The following A2ML1 variants were observed in gnomAD, a reference collection of about 807,000 sequenced individuals.
A2ML1 encodes the protein alpha-2-macroglobulin like 1, also known as alpha-2-macroglobulin-like protein 1.
A2ML1 carries 161 observed loss-of-function variants against 181.9 expected under a neutral mutation model. The observed-to-expected ratio is 0.89, with a 90% CI of 0.78 to 1.01. The LOEUF is 1.01. Ranked by LOEUF, A2ML1 falls within the 50% of genes least tolerant of loss-of-function variation. The probability of loss-of-function intolerance (pLI) is 0.00; values close to 1 mark genes in which losing one functional copy is unlikely to be tolerated. For missense variants in A2ML1, 1,670 were observed against 1,768.1 expected, an observed-to-expected ratio of 0.94 and a Z score of 1.00; for synonymous variants, 663 against 666.8, an observed-to-expected ratio of 0.99 and a Z score of 0.09.
intron 12 of A2ML1, among the ~76,000 whole-genome samples, chr12:8,843,586 C>G (rs753338470): frequency 6.6e-6 from 1 of 152,176 alleles, no homozygotes; most frequent in African/African-American, 2.4e-5. Flanking sequence ...ACACGAAAGC[C>G]ATATAAAAAG....
In A2ML1 at chr12:8,841,536, G is replaced by C; in HGVS notation, c.1248G>C (p.Glu416Asp). Residue 416 changes from glutamate (E) to aspartate (D), a missense_variant and splice_region_variant, in exon 11 of 36, where the codon GAG becomes GAC. Coordinates refer to ENST00000299698, the MANE Select transcript of A2ML1 (RefSeq NM_144670.6). ...GGAATGGGACAGACGTTTCTCTGGA[G>C]GTAAGCATGGACGGAGGACCAGCTT... Reference protein sequence around the residue: ...SGWNGTDVSLEGKFQMEDLVY... With the variant: ...SGWNGTDVSLDGKFQMEDLVY... The C allele has an allele frequency of 1.2e-6, 2 of 1,610,872 alleles. No homozygotes were observed. The highest frequency in any genetic ancestry group is 1.7e-6 in the Non-Finnish European group (2 of 1,178,750).
rs777773226 is a variant in A2ML1 at position 8,855,548 on chromosome 12, T to C, written c.2804T>C (p.Val935Ala). The change falls in exon 23 of 36, where the codon GTG becomes GCG. Residue 935 changes from valine (V) to alanine (A), a missense_variant. Val to Ala is a moderately conservative substitution (Grantham distance 64). Transcript: ENST00000299698. The stretch of plus-strand genomic sequence containing the variant: ...GAATCTGTCTCCCTGGAGCTCCCAG[T>C]GGACATTGTTCCTGACTCGACCAAG... ...ASESVSLELP[V>A]DIVPDSTKAY... The C allele has an allele frequency of 1.9e-6, 3 of 1,614,142 alleles. No homozygotes were observed. In the East Asian group the frequency reaches 6.7e-5, roughly 36 times the overall value.
intron 11 of A2ML1, 51 bp downstream of exon 11, chr12:8,841,587 G>A: frequency 6.4e-7 from 1 of 1,562,778 alleles, no homozygotes; most frequent in Non-Finnish European, 8.7e-7. Context: ...TTCCCTGAAG[G>A]AAAACTTCAG....
Position 8,835,680 on chromosome 12 carries a change from T to C in A2ML1, c.643+14T>C, listed in dbSNP as rs951286529. On this transcript the variant is annotated intron_variant, in intron 6 of 35. Transcript: ENST00000299698. ...TGGAGGAATATGGTAGGTGGGGAAA[T>C]GGACAGGCCAAAGTATTGGGCATAA... 6 of 1,613,712 alleles carry C rather than the reference T, an allele frequency of 3.7e-6. No homozygotes were observed. In the African/African-American group the frequency reaches 4.0e-5, roughly 11 times the overall value.
intron 26 of A2ML1, among the ~76,000 whole-genome samples, chr12:8,859,853 A>ATGCG (rs979121610): frequency 6.6e-6 from 1 of 151,952 alleles, no homozygotes; most frequent in African/African-American, 2.4e-5. Context: ...AGCGTGACCT[A>ATGCG]TGCGTGCCCA....
chr12:8,848,026 C>A (rs755645889), intron 15 of A2ML1, among the ~76,000 whole-genome samples: 2 of 148,688 alleles, frequency 1.3e-5, no homozygotes, highest in Non-Finnish European at 3.0e-5. Context: ...GGGCCCATGC[C>A]TGTAATCCTG....
rs1340132617 is a variant in A2ML1 at position 8,851,821 on chromosome 12, G to T, written c.2272G>T (p.Asp758Tyr). Residue 758 changes from aspartate (D) to tyrosine (Y), a missense_variant, in exon 19 of 36, where the codon GAC (aspartate) becomes TAC (tyrosine). Coordinates refer to ENST00000299698, the MANE Select transcript of A2ML1 (RefSeq NM_144670.6). ...GGAGGCGGTCCACGTCACAGTTCCT[G>T]ACGCCATCACCGAGTGGAAGGCGAT... is the stretch of plus-strand genomic sequence containing the variant. ...GKEAVHVTVP[D>Y]AITEWKAMSF... The T allele has an allele frequency of 1.2e-6, 2 of 1,614,176 alleles. No homozygotes were observed. The highest frequency in any genetic ancestry group is 8.5e-7 in the Non-Finnish European group (1 of 1,180,034).
Position 8,849,660 on chromosome 12 carries a change from G to A in A2ML1, c.2029-9G>A, listed in dbSNP as rs1487420029. 6.2e-7 allele frequency: 1 copy of A among 1,612,704 alleles called. No homozygotes were observed. Among genetic ancestry groups the A allele is most frequent in the Admixed American group, 1.7e-5 (1 of 60,022 alleles). On this transcript the variant is annotated splice_polypyrimidine_tract_variant and intron_variant, in intron 16 of 35. Coordinates refer to ENST00000299698, the MANE Select transcript of A2ML1 (RefSeq NM_144670.6). ...CCACCTTAATACTTATTTCTCTGAT[G>A]CCTATCAGGACGTGGGCCTGAAAAT...
intron 11 of A2ML1, 68 bp downstream of exon 11, chr12:8,841,604 C>G (rs1943483614): frequency 5.2e-6 from 8 of 1,535,852 alleles, no homozygotes; most frequent in Non-Finnish European, 6.2e-6. Context: ...TCAGAATTTT[C>G]CTGTTTCCTA....
At chr12:8,870,753 G>A (rs1346825849) in intron 33 of A2ML1, among the ~76,000 whole-genome samples, 1 of 152,126 alleles carries the variant, frequency 6.6e-6, no homozygotes, top group Non-Finnish European at 1.5e-5. Flanking sequence ...GGTTGTCCAA[G>A]TCATACCATC....
At chr12:8,823,110 G>A (rs761985182) in intron 1 of A2ML1, 72 bp from the exon 2 acceptor site, 163 of 1,455,804 alleles carry the variant, frequency 1.1e-4, no homozygotes, top group Non-Finnish European at 1.4e-4. Context: ...CTTGCTGAGC[G>A]CTTAGGAGAG....
chr12:8,850,431 T>TA (rs911219038), intron 18 of A2ML1, among the ~76,000 whole-genome samples, 157 bp downstream of exon 18: 17 of 151,740 alleles, frequency 1.1e-4, no homozygotes, highest in Non-Finnish European at 1.5e-5. Flanking sequence ...CAAAAGAAAT[T>TA]AAAAAAATAG....
intron 6 of A2ML1, 138 bp downstream of exon 6, chr12:8,835,804 G>T: frequency 3.8e-6 from 4 of 1,042,308 alleles, no homozygotes; most frequent in Non-Finnish European, 4.2e-6. Context: ...ATGAGGTCAG[G>T]AGATCGAGAC....
In A2ML1 at chr12:8,870,832, A is replaced by G. The variant is rs114295729; in HGVS notation, c.4221+1629A>G. Among the ~76,000 whole-genome samples the G allele has an allele frequency of 6.9e-3, 1,053 of 152,290 alleles. 22 individuals carry two copies. The highest frequency in any genetic ancestry group is 0.024 in the African/African-American group (994 of 41,554). ...CCATGACACCATGCCTGAGACTGCA[A>G]TGAACTGCTCCTCAGTGTGTCCTGC... is the stretch of plus-strand genomic sequence containing the variant. On this transcript the variant is annotated intron_variant, in intron 33 of 35. Transcript: ENST00000299698.
intron 3 of A2ML1, among the ~76,000 whole-genome samples, chr12:8,827,464 TC>T (rs1484573229): frequency 2.0e-5 from 3 of 152,218 alleles, no homozygotes; most frequent in African/African-American, 7.2e-5. Context: ...TTTTTTTTTC[TC>T]TTTGTTAAAT....
intron 7 of A2ML1, among the ~76,000 whole-genome samples, chr12:8,882,004 C>G (rs780074346): frequency 2.9e-4 from 43 of 150,204 alleles, no homozygotes; most frequent in African/African-American, 1.0e-3. Flanking sequence ...GAGCGAGACT[C>G]TGTCTCAAAA....
intron 13 of A2ML1, among the ~76,000 whole-genome samples, chr12:8,845,809 C>T (rs1294282922): frequency 1.3e-5 from 2 of 149,212 alleles, no homozygotes; most frequent in Non-Finnish European, 3.0e-5. Context: ...GAGATCATGC[C>T]ACTGCGCTCC....
Position 8,839,125 on chromosome 12 carries a change from A to C in A2ML1, c.983A>C (p.Asn328Thr). 1 of 1,612,844 alleles carries C rather than the reference A, an allele frequency of 6.2e-7. No individual in the cohort carries two copies. The highest frequency in any genetic ancestry group is 8.5e-7 in the Non-Finnish European group (1 of 1,179,286). The change falls in exon 10 of 36, where the codon AAT (asparagine) becomes ACT (threonine). Residue 328 changes from asparagine to threonine, a missense_variant. Coordinates refer to ENST00000299698, the MANE Select transcript of A2ML1 (RefSeq NM_144670.6). The stretch of plus-strand genomic sequence containing the variant: ...TTTCCCTCTGCAGGTGTGGAGGCCA[A>C]TGCCACTCAGAATATCTACATTTCT... ...VVEEGTGVEA[N>T]ATQNIYISPQ...
chr12:8,881,787 G>C (rs1402317032), downstream of A2ML1, among the ~76,000 whole-genome samples: 1 of 152,078 alleles, frequency 6.6e-6, no homozygotes, highest in African/African-American at 2.4e-5. Context: ...CGAGGCGGGT[G>C]GATCACGAGG....
Sources: gnomAD v4.1 joint callset for allele counts (sites outside exome capture counted in the v4.1 genomes callset) on GRCh38, gnomAD v4.1.1 for gene constraint, MANE v1.5 for transcripts, NCBI Gene and HGNC (gene_info 2026-07-23, HGNC 2026-07-21) for gene names.